The following ADH6 variants were observed in gnomAD, a reference collection of about 807,000 sequenced individuals.
ADH6 encodes the protein alcohol dehydrogenase 6.
ADH6 carries 34 observed loss-of-function variants against 36.5 expected under a neutral mutation model. The observed-to-expected ratio is 0.93, with a 90% CI of 0.71 to 1.24. The LOEUF is 1.24. Among genes scored for constraint, ADH6 ranks in the 50% most tolerant of loss-of-function variants. ADH6 has a pLI of 0.00. For missense variants in ADH6, 440 were observed against 447.0 expected, an observed-to-expected ratio of 0.98 and a Z score of 0.14; for synonymous variants, 161 against 155.5, an observed-to-expected ratio of 1.04 and a Z score of -0.26.
chr4:99,217,506 A>G (rs1295784596), intron 1 of ADH6, among the ~76,000 whole-genome samples: 1 of 152,202 alleles, frequency 6.6e-6, no homozygotes, highest in African/African-American at 2.4e-5. Flanking sequence ...CACTTAAGAT[A>G]ATGATCTTCA....
intron 3 of ADH6, among the ~76,000 whole-genome samples, chr4:99,213,119 G>C (rs532134400): frequency 2.6e-3 from 394 of 151,904 alleles, no homozygotes; most frequent in Non-Finnish European, 4.6e-3. Flanking sequence ...TACTTTTTTA[G>C]CCCGGATAAC....
intron 2 of ADH6, 113 bp downstream of exon 2, chr4:99,216,048 G>T: frequency 1.9e-6 from 1 of 529,358 alleles, no homozygotes. Flanking sequence ...AAGATATGTA[G>T]TTTTATTATT....
rs374084046 is a variant in ADH6, at chr4:99,207,535, A to G, written c.875T>C (p.Val292Ala). The G allele has an allele frequency of 6.2e-7, 1 of 1,613,366 alleles. No individual in the cohort carries two copies. The highest frequency in any genetic ancestry group is 8.5e-7 in the Non-Finnish European group (1 of 1,179,624). ...AACACTGGCAGGCAACACCCCAACA[A>G]CCACACAGACCCCATAGCTCTCATT... Reference protein sequence around the residue: ...SCNESYGVCVVVGVLPASVQL... With the variant: ...SCNESYGVCVAVGVLPASVQL... Residue 292 changes from valine (V) to alanine (A), a missense_variant, in exon 7 of 9, where the codon GTT (valine) becomes GCT (alanine). By Grantham distance (64) the Val-to-Ala change is moderately conservative (BLOSUM62 0). Coordinates refer to ENST00000394899, the MANE Select transcript of ADH6 (RefSeq NM_001102470.2).
intron 7 of ADH6, 78 bp downstream of exon 7, chr4:99,207,368 T>C (rs1731070751): frequency 6.4e-7 from 1 of 1,572,686 alleles, no homozygotes; most frequent in Non-Finnish European, 8.7e-7. Context: ...TGTCCTTTCT[T>C]AAGCGTTTAT....
chr4:99,210,042 C>T, intron 5 of ADH6, 40 bp downstream of exon 5: 1 of 1,593,004 alleles, frequency 6.3e-7, no homozygotes, highest in Non-Finnish European at 8.6e-7. Flanking sequence ...AACTCCATAT[C>T]CCAATAATTC....
chr4:99,210,404 T>C lies in ADH6; in HGVS notation c.350+11A>G. 1 of 1,603,514 alleles carries C rather than the reference T, an allele frequency of 6.2e-7. No homozygotes were observed. The highest frequency in any genetic ancestry group is 1.1e-5 in the South Asian group (1 of 90,428). ...TAAGTTTTCAAAAAGAAAATATTAG[T>C]AAAAACTTACTTGAATTGTATACAA... On this transcript the variant is annotated intron_variant, in intron 4 of 8. Transcript: ENST00000394899.
chr4:99,215,573 C>G (rs1026514811), intron 2 of ADH6, among the ~76,000 whole-genome samples: 6 of 152,188 alleles, frequency 3.9e-5, no homozygotes, highest in Non-Finnish European at 8.8e-5. Context: ...TTCTCATCTC[C>G]TGCACTCAAG....
At position 99,204,949 on chromosome 4, in the gene ADH6, A is replaced by G. The variant is rs139932440; in HGVS notation, c.1079T>C (p.Val360Ala). Residue 360 changes from valine to alanine, a missense_variant, in exon 8 of 9, where the codon GTT becomes GCT. Transcript: ENST00000394899. ...CCATTTTCCAGTTTTCATTAATTCA[A>G]CTGCTTCATTGATTTTATCAAGATT... ...TLNLDKINEA[V>A]ELMKTGKCIR... is the part of the protein sequence containing the mutation. 108 of 1,608,604 alleles carry G rather than the reference A, an allele frequency of 6.7e-5. No homozygotes were observed. The highest frequency in any genetic ancestry group is 2.3e-4 in the African/African-American group (17 of 74,492).
chr4:99,210,765 C>T (rs1893882), intron 3 of ADH6, among the ~76,000 whole-genome samples: 16 of 152,032 alleles, frequency 1.1e-4, no homozygotes, highest in African/African-American at 3.9e-4. Flanking sequence ...AGCTCCTTTT[C>T]AAGTATGAAA....
chr4:99,203,134 G>A lies in ADH6; in HGVS notation c.*1085C>T, dbSNP rs1258091636. On this transcript the variant is annotated 3_prime_UTR_variant, in exon 9 of 9. Coordinates refer to ENST00000394899, the MANE Select transcript of ADH6 (RefSeq NM_001102470.2). The stretch of plus-strand genomic sequence containing the variant: ...TTTTGGTCTCCCAAGGTCATCCAAA[G>A]TTTACTGACATGCAGGGACCCCTGT... The A allele has an allele frequency of 2.5e-5, 5 of 198,224 alleles. No individual in the cohort carries two copies. Among genetic ancestry groups the A allele is most frequent in the Non-Finnish European group, 5.1e-5 (5 of 98,668 alleles). 12.3% of individuals were successfully genotyped at this position (198,224 alleles called of 1,614,324 possible). A position where few individuals can be genotyped will look rare whatever the true frequency, so the allele number is the denominator to read the frequency against.
chr4:99,210,256 A>G lies in ADH6; in HGVS notation c.393T>C (p.Phe131=), dbSNP rs754109400. The G allele has an allele frequency of 6.2e-6, 10 of 1,613,680 alleles. No homozygotes were observed. In the African/African-American group the frequency reaches 1.2e-4, roughly 19 times the overall value. The stretch of plus-strand genomic sequence containing the variant: ...GATATATTGATTTTCCCTTGCAGGT[A>G]AACCTGCTGGTACCATCAGACATCA... ...TQLMSDGTSR[F]TCKGKSIYHF... Residue 131 remains phenylalanine (F), a synonymous_variant, in exon 5 of 9, where the codon TTT becomes TTC. Coordinates refer to ENST00000394899, the MANE Select transcript of ADH6 (RefSeq NM_001102470.2).
At chr4:99,206,811 A>C in intron 7 of ADH6, among the ~76,000 whole-genome samples, 1 of 152,078 alleles carries the variant, frequency 6.6e-6, no homozygotes, top group East Asian at 1.9e-4. Context: ...ATGAGCCCAG[A>C]ATCTTAAGCA....
At chr4:99,215,433 T>C (rs1167112513) in intron 2 of ADH6, among the ~76,000 whole-genome samples, 1 of 152,206 alleles carries the variant, frequency 6.6e-6, no homozygotes, top group Admixed American at 6.5e-5. Context: ...TTAAAAACTT[T>C]CCATGTCCAG....
chr4:99,215,076 G>A (rs1468577247), intron 2 of ADH6, among the ~76,000 whole-genome samples: 1 of 152,150 alleles, frequency 6.6e-6, no homozygotes, highest in Non-Finnish European at 1.5e-5. Context: ...ATTCACTGGT[G>A]AGACATTCAG....
chr4:99,205,554 G>A lies in ADH6; in HGVS notation c.965-491C>T, dbSNP rs1160031386. ...GCAGCAGTCCCAGTGAAAGCTCTTG[G>A]GAAAAGAATGTGTACAAAGCAATAT... On this transcript the variant is annotated intron_variant, in intron 7 of 8. Coordinates refer to ENST00000394899, the MANE Select transcript of ADH6 (RefSeq NM_001102470.2). Among the ~76,000 whole-genome samples the A allele has an allele frequency of 2.0e-5, 3 of 152,008 alleles. No homozygotes were observed. The East Asian group carries it at 5.8e-4, about 29-fold the overall frequency.
In ADH6 at chr4:99,213,473, C is replaced by T. The variant is rs1731296252; in HGVS notation, c.262+133G>A. The T allele has an allele frequency of 5.3e-6, 4 of 756,660 alleles. No homozygotes were observed. In the East Asian group the frequency reaches 8.6e-5, roughly 16 times the overall value. 46.9% of individuals were successfully genotyped at this position (756,660 alleles called of 1,614,324 possible). ...TATGTAACTTACAAGTAATTTATCCCTACTTTTCTAAGAAGTTGGAAACAT... is the reference window on the plus strand; with the variant it reads ...TATGTAACTTACAAGTAATTTATCCTTACTTTTCTAAGAAGTTGGAAACAT... On this transcript the variant is annotated intron_variant, in intron 3 of 8. Coordinates refer to ENST00000394899, the MANE Select transcript of ADH6 (RefSeq NM_001102470.2).
chr4:99,219,006 T>C (rs1560811154), intron 1 of ADH6, 129 bp downstream of exon 1: 4 of 832,704 alleles, frequency 4.8e-6, no homozygotes, highest in African/African-American at 1.7e-5. Context: ...GGAGGAGAGA[T>C]ACTATGATTA....
Position 99,202,910 on chromosome 4 carries a change from C to A in ADH6, c.*1309G>T. 1 of 396,208 alleles carries A rather than the reference C, an allele frequency of 2.5e-6. No homozygotes were observed. Among genetic ancestry groups the A allele is most frequent in the Non-Finnish European group, 4.5e-6 (1 of 224,474 alleles). 24.5% of individuals were successfully genotyped at this position (396,208 alleles called of 1,614,324 possible). A position where few individuals can be genotyped will look rare whatever the true frequency, so the allele number is the denominator to read the frequency against. On this transcript the variant is annotated 3_prime_UTR_variant, in exon 9 of 9. Transcript: ENST00000394899. Reference sequence around the variant, plus strand: ...CAGAGTGAATAGGTTTCATAGCACCCATCTCCTCTATTTGAAGGAAGCAGG... The same window carrying A: ...CAGAGTGAATAGGTTTCATAGCACCAATCTCCTCTATTTGAAGGAAGCAGG...
At chr4:99,216,679 T>C (rs1731443312) in intron 1 of ADH6, among the ~76,000 whole-genome samples, 1 of 151,986 alleles carries the variant, frequency 6.6e-6, no homozygotes, top group Non-Finnish European at 1.5e-5. Flanking sequence ...ACCCTATCTC[T>C]ACTAAAAATA....
Sources: gnomAD v4.1 joint callset for allele counts (sites outside exome capture counted in the v4.1 genomes callset) on GRCh38, gnomAD v4.1.1 for gene constraint, MANE v1.5 for transcripts, NCBI Gene and HGNC (gene_info 2026-07-23, HGNC 2026-07-21) for gene names.